The following CSMD1 variants were observed in gnomAD, a reference collection of about 807,000 sequenced individuals.
CSMD1 encodes CUB and Sushi multiple domains 1, also known as CUB and sushi domain-containing protein 1.
In CSMD1, 213 loss-of-function variants were observed where a neutral mutation model predicts 417.5. That is an observed-to-expected ratio of 0.51 (90% confidence interval 0.46 to 0.57). The LOEUF is 0.57. CSMD1 is among the 20% of genes least tolerant of loss of function. CSMD1 has a pLI of 0.00. For missense variants in CSMD1, 6,923 were observed against 4,529.7 expected, an observed-to-expected ratio of 1.53 and a Z score of -15.17; for synonymous variants, 2,862 against 1,736.8, an observed-to-expected ratio of 1.65 and a Z score of -16.11.
chr8:4,585,165 G>T (rs1433791288), intron 2 of CSMD1, among the ~76,000 whole-genome samples: 1 of 150,470 alleles, frequency 6.6e-6, no homozygotes, highest in African/African-American at 2.4e-5. Flanking sequence ...AGCAGAAGTT[G>T]CCTTTAAAAT....
intron 1 of CSMD1, among the ~76,000 whole-genome samples, chr8:4,641,642 C>G (rs990332233): frequency 2.6e-5 from 4 of 152,166 alleles, no homozygotes; most frequent in African/African-American, 9.7e-5. Flanking sequence ...GCCGTCCCAC[C>G]AAACCCAGTT....
At chr8:4,318,508 C>T (rs1053665111) in intron 3 of CSMD1, among the ~76,000 whole-genome samples, 7 of 152,036 alleles carry the variant, frequency 4.6e-5, no homozygotes, top group Admixed American at 1.3e-4. Flanking sequence ...ACTCAACTGG[C>T]GAGAAAACTT....
intron 57 of CSMD1, 128 bp downstream of exon 57, chr8:2,972,989 C>G: frequency 1.1e-6 from 1 of 890,822 alleles, no homozygotes; most frequent in Non-Finnish European, 1.7e-6. Context: ...ACAAATATTG[C>G]GGGGAAAAGA....
intron 1 of CSMD1, among the ~76,000 whole-genome samples, chr8:4,902,960 CTT>C (rs967577019): frequency 7.1e-6 from 1 of 140,552 alleles, no homozygotes; most frequent in Non-Finnish European, 1.5e-5. Flanking sequence ...TAATAATAAA[CTT>C]TGAATACTAA....
intron 3 of CSMD1, among the ~76,000 whole-genome samples, chr8:4,099,691 A>C (rs1341510668): frequency 2.0e-5 from 3 of 152,024 alleles, no homozygotes; most frequent in Admixed American, 2.0e-4. Flanking sequence ...CAAACAAACA[A>C]AACCTCTTCT....
chr8:4,788,420 G>T lies in CSMD1; in HGVS notation c.86-150862C>A, dbSNP rs543312612. ...TGTGGTCTTCTCTTTGACTACCCAG[G>T]GTCTTGGCTGTTCAACCACACTTTC... On this transcript the variant is annotated intron_variant, in intron 1 of 69. Coordinates refer to ENST00000635120, the MANE Select transcript of CSMD1 (RefSeq NM_033225.6). 3 of 1,336,992 alleles carry T rather than the reference G, an allele frequency of 2.2e-6. No individual in the cohort carries two copies. The East Asian group carries it at 6.9e-5, about 31-fold the overall frequency. 82.8% of individuals were successfully genotyped at this position (1,336,992 alleles called of 1,614,324 possible). A position where few individuals can be genotyped will look rare whatever the true frequency, so the allele number is the denominator to read the frequency against.
At chr8:3,985,027 A>C (rs1250656384) in intron 5 of CSMD1, among the ~76,000 whole-genome samples, 2 of 152,034 alleles carry the variant, frequency 1.3e-5, no homozygotes, top group African/African-American at 4.8e-5. Context: ...GGTGGCTCTG[A>C]CCACATTTTG....
intron 1 of CSMD1, among the ~76,000 whole-genome samples, chr8:4,865,159 C>G (rs1381174352): frequency 1.3e-5 from 2 of 151,618 alleles, no homozygotes; most frequent in Non-Finnish European, 3.0e-5. Context: ...TAATCTTATT[C>G]TTGTTTTACT....
chr8:4,377,535 A>G (rs193200223), intron 3 of CSMD1, among the ~76,000 whole-genome samples: 191 of 152,360 alleles, frequency 1.3e-3, no homozygotes, highest in Middle Eastern at 3.4e-3. Flanking sequence ...GAACTAATAT[A>G]TACTCAAAGT....
intron 55 of CSMD1, among the ~76,000 whole-genome samples, chr8:2,975,159 A>G (rs892877541): frequency 1.3e-4 from 20 of 152,184 alleles, no homozygotes; most frequent in Non-Finnish European, 2.9e-4. Context: ...TAAAATAATA[A>G]TAATCAATTA....
At chr8:3,449,508 C>G (rs1354546159) in intron 12 of CSMD1, among the ~76,000 whole-genome samples, 2 of 151,014 alleles carry the variant, frequency 1.3e-5, no homozygotes, top group Admixed American at 1.3e-4. Context: ...GAACATACCT[C>G]TCATGACAGC....
chr8:3,289,051 C>T (rs1356945095), intron 25 of CSMD1, among the ~76,000 whole-genome samples: 1 of 146,924 alleles, frequency 6.8e-6, no homozygotes, highest in Non-Finnish European at 1.5e-5. Flanking sequence ...TGTTCAATTC[C>T]CACCTATGAG....
In CSMD1 at chr8:4,618,239, C is replaced by G. The variant is rs181542230; in HGVS notation, c.302+19103G>C. On this transcript the variant is annotated intron_variant, in intron 2 of 69. Coordinates refer to ENST00000635120, the MANE Select transcript of CSMD1 (RefSeq NM_033225.6). ...AGACTCATCCTACCCAACTCAAGCC[C>G]AGACCTCATAAATGTGCTTCAATGG... Among the ~76,000 whole-genome samples, 15 of 152,232 alleles carry G rather than the reference C, an allele frequency of 9.9e-5. No homozygotes were observed. The East Asian group carries it at 2.9e-3, about 30-fold the overall frequency.
intron 10 of CSMD1, among the ~76,000 whole-genome samples, chr8:3,541,726 A>C (rs1798446085): frequency 1.4e-5 from 2 of 147,432 alleles, no homozygotes; most frequent in South Asian, 4.2e-4. Flanking sequence ...CAACAATTAA[A>C]AATTATAAAA....
chr8:4,731,618 C>A (rs116814500), intron 1 of CSMD1, among the ~76,000 whole-genome samples: 46 of 152,244 alleles, frequency 3.0e-4, no homozygotes, highest in African/African-American at 1.1e-3. Context: ...ATCAACCCAT[C>A]CCTGCACTCC....
At chr8:4,216,742 G>C (rs1352738540) in intron 3 of CSMD1, among the ~76,000 whole-genome samples, 7 of 152,292 alleles carry the variant, frequency 4.6e-5, no homozygotes, top group Non-Finnish European at 1.0e-4. Context: ...GATGTTTTAA[G>C]ACCTTTAAAA....
At chr8:4,656,955 G>C (rs896840046) in intron 1 of CSMD1, among the ~76,000 whole-genome samples, 1 of 151,940 alleles carries the variant, frequency 6.6e-6, no homozygotes, top group African/African-American at 2.4e-5. Flanking sequence ...TGCATCACCC[G>C]ATTCAGAACT....
intron 6 of CSMD1, among the ~76,000 whole-genome samples, chr8:3,723,415 T>C (rs1802297727): frequency 6.6e-6 from 1 of 152,194 alleles, no homozygotes; most frequent in Non-Finnish European, 1.5e-5. Flanking sequence ...ACACATCATA[T>C]TCACTCAAGG....
At chr8:3,048,851 T>C (rs1811630886) in intron 50 of CSMD1, among the ~76,000 whole-genome samples, 1 of 149,552 alleles carries the variant, frequency 6.7e-6, no homozygotes. Flanking sequence ...AAAGAACTGG[T>C]ATCTAAACTA....
Sources: allele counts gnomAD v4.1 joint callset (sites outside exome capture counted in the v4.1 genomes callset), GRCh38; gene constraint gnomAD v4.1.1; transcripts MANE v1.5; gene names NCBI Gene and HGNC (gene_info 2026-07-23, HGNC 2026-07-21).